TPBGL: variants seen among roughly 807,000 people sequenced by gnomAD.
TPBGL encodes trophoblast glycoprotein like.
For missense variants in TPBGL, 685 were observed against 609.4 expected (o/e 1.12, Z -1.31); for synonymous variants, 380 against 314.8 (o/e 1.21, Z -2.19).
chr11:75,242,379 ACC>A lies in TPBGL; in HGVS notation c.*184_*185del, dbSNP rs1273123322. The A allele has an allele frequency of 1.3e-6, 1 of 770,652 alleles. No homozygotes were observed. Among genetic ancestry groups the A allele is most frequent in the Non-Finnish European group, 1.6e-6 (1 of 625,948 alleles). The allele number at this position is 770,652 out of a possible 1,614,324, so 47.7% of individuals were successfully genotyped here. On this transcript the variant is annotated 3_prime_UTR_variant, in exon 1 of 1. Coordinates refer to ENST00000562197, the MANE Select transcript of TPBGL (RefSeq NM_001195528.2). ...AGAGATAGCCGGTCCGAATCCAGAA[ACC>A]CCGCCTGCCCACCCTAGTTTCCGAA... is the stretch of plus-strand genomic sequence containing the variant.
In TPBGL at chr11:75,241,918, C is replaced by T. The variant is rs1945604117; in HGVS notation, c.869C>T (p.Ala290Val). The change falls in exon 1 of 1, where the codon GCC becomes GTC. Residue 290 changes from alanine (A) to valine (V), a missense_variant. By Grantham distance (64) the Ala-to-Val change is moderately conservative (BLOSUM62 0). Coordinates refer to ENST00000562197, the MANE Select transcript of TPBGL (RefSeq NM_001195528.2). ...CGGCTTCGCTGCGCGGACAGCGGCG[C>T]CGACGCTCGCGGAGAGGAGGCGGAG... The part of the protein sequence containing the change: ...GARLRCADSG[A>V]DARGEEAEAA... 2.0e-6 allele frequency: 3 copies of T among 1,480,656 alleles called. No homozygotes were observed. Among genetic ancestry groups the T allele is most frequent in the Non-Finnish European group, 2.7e-6 (3 of 1,118,214 alleles). 91.7% of individuals were successfully genotyped at this position (1,480,656 alleles called of 1,614,324 possible).
chr11:75,241,362 C>G lies in TPBGL; in HGVS notation c.313C>G (p.His105Asp). Residue 105 changes from histidine to aspartate, a missense_variant, in exon 1 of 1, where the codon CAC becomes GAC. Physicochemically the swap from His to Asp is moderately conservative, Grantham distance 81. Coordinates refer to ENST00000562197, the MANE Select transcript of TPBGL (RefSeq NM_001195528.2). Reference sequence around the variant, plus strand: ...GAGCGCGCTGCGCCTCACGCACAACCACATCGAGGTGGTGGAGGACGGCGC... The same window carrying G: ...GAGCGCGCTGCGCCTCACGCACAACGACATCGAGGTGGTGGAGGACGGCGC... The part of the protein sequence containing the change: ...LLSALRLTHN[H>D]IEVVEDGAFD... 1 of 1,374,798 alleles carries G rather than the reference C, an allele frequency of 7.3e-7. No individual in the cohort carries two copies. Among genetic ancestry groups the G allele is most frequent in the South Asian group, 1.6e-5 (1 of 62,722 alleles). The allele number at this position is 1,374,798 out of a possible 1,614,324, so 85.2% of individuals were successfully genotyped here.
At position 75,241,146 on chromosome 11, in the gene TPBGL, T is replaced by C; in HGVS notation, c.97T>C (p.Cys33Arg). The C allele has an allele frequency of 6.9e-7, 1 of 1,448,894 alleles. No individual in the cohort carries two copies. The highest frequency in any genetic ancestry group is 9.1e-7 in the Non-Finnish European group (1 of 1,102,720). 89.8% of individuals were successfully genotyped at this position (1,448,894 alleles called of 1,614,324 possible). A position where few individuals can be genotyped will look rare whatever the true frequency, so the allele number is the denominator to read the frequency against. The change falls in exon 1 of 1, where the codon TGC (cysteine) becomes CGC (arginine). Residue 33 changes from cysteine (C) to arginine (R), a missense_variant. Cys to Arg is a radical substitution (Grantham distance 180). Coordinates refer to ENST00000562197, the MANE Select transcript of TPBGL (RefSeq NM_001195528.2). Reference sequence around the variant, plus strand: ...GGCACCCTGCCCCTTCCAGTGCTACTGCTTCGGCGGCCCCAAGCTGCTGCT... The same window carrying C: ...GGCACCCTGCCCCTTCCAGTGCTACCGCTTCGGCGGCCCCAAGCTGCTGCT... ...PAAPCPFQCY[C>R]FGGPKLLLRC...
At position 75,241,764 on chromosome 11, in the gene TPBGL, G is replaced by A. The variant is rs1185982334; in HGVS notation, c.715G>A (p.Gly239Ser). ...LLLADNPLRC[G>S]CAARPLLAWL... ...GCTCGCCGACAACCCCCTGCGCTGC[G>A]GCTGTGCCGCACGCCCCCTGCTGGC... Residue 239 changes from glycine to serine, a missense_variant, in exon 1 of 1, where the codon GGC becomes AGC. Coordinates refer to ENST00000562197, the MANE Select transcript of TPBGL (RefSeq NM_001195528.2). 3 of 1,306,710 alleles carry A rather than the reference G, an allele frequency of 2.3e-6. No individual in the cohort carries two copies. Among genetic ancestry groups the A allele is most frequent in the African/African-American group, 3.1e-5 (2 of 63,502 alleles). The allele number at this position is 1,306,710 out of a possible 1,614,324, so 80.9% of individuals were successfully genotyped here.
At position 75,241,303 on chromosome 11, in the gene TPBGL, G is replaced by A; in HGVS notation, c.254G>A (p.Gly85Asp). 1 of 1,346,444 alleles carries A rather than the reference G, an allele frequency of 7.4e-7. No individual in the cohort carries two copies. The highest frequency in any genetic ancestry group is 1.8e-5 in the South Asian group (1 of 55,742). 83.4% of individuals were successfully genotyped at this position (1,346,444 alleles called of 1,614,324 possible). ...GCCTTCGCCGGCGGGGACGGGGACG[G>A]CGACCAGGCGGCGGGCGTGCGCCTG... is the stretch of plus-strand genomic sequence containing the variant. The part of the protein sequence containing the change: ...AAAFAGGDGD[G>D]DQAAGVRLPL... Residue 85 changes from glycine to aspartate, a missense_variant, in exon 1 of 1, where the codon GGC (glycine) becomes GAC (aspartate). By Grantham distance (94) the Gly-to-Asp change is moderately conservative (BLOSUM62 -1). Transcript: ENST00000562197.
rs1469694893 is a variant in TPBGL, at chr11:75,242,026, T to G, written c.977T>G (p.Leu326Arg). The G allele has an allele frequency of 6.8e-7, 1 of 1,470,768 alleles. No individual in the cohort carries two copies. Among genetic ancestry groups the G allele is most frequent in the Non-Finnish European group, 9.0e-7 (1 of 1,111,998 alleles). The allele number at this position is 1,470,768 out of a possible 1,614,324, so 91.1% of individuals were successfully genotyped here. The change falls in exon 1 of 1, where the codon CTC becomes CGC. Residue 326 changes from leucine (L) to arginine (R), a missense_variant. Physicochemically the swap from Leu to Arg is moderately radical, Grantham distance 102 (BLOSUM62 -2). Coordinates refer to ENST00000562197, the MANE Select transcript of TPBGL (RefSeq NM_001195528.2). ...ALIGLIFLMV[L>R]YLNRRGIQRW... is the part of the protein sequence containing the mutation. ...ATCGGCCTCATCTTCCTCATGGTGC[T>G]CTACCTAAACCGCCGCGGCATCCAG...
Position 75,241,883 on chromosome 11 carries a change from G to C in TPBGL, c.834G>C (p.Leu278=), listed in dbSNP as rs1308690013. The C allele has an allele frequency of 2.1e-6, 3 of 1,458,338 alleles. No individual in the cohort carries two copies. Among genetic ancestry groups the C allele is most frequent in the African/African-American group, 2.9e-5 (2 of 67,906 alleles). The allele number at this position is 1,458,338 out of a possible 1,614,324, so 90.3% of individuals were successfully genotyped here. The change falls in exon 1 of 1, where the codon CTG becomes CTC. Residue 278 remains leucine (L), a synonymous_variant. Coordinates refer to ENST00000562197, the MANE Select transcript of TPBGL (RefSeq NM_001195528.2). ...TGCTAGACCGGCCGCTACTGGACCT[G>C]GACGGGGCGCGGCTTCGCTGCGCGG... The part of the protein sequence containing the change: ...RALLDRPLLD[L]DGARLRCADS...
chr11:75,241,019 G>A lies in TPBGL; in HGVS notation c.-31G>A. The stretch of plus-strand genomic sequence containing the variant: ...CTCCCAACTCACTGGTGAGCGCGGC[G>A]GCCCGGGCGCTGGATGCGGGGGCGG... On this transcript the variant is annotated 5_prime_UTR_variant, in exon 1 of 1. Transcript: ENST00000562197. 1.7e-6 allele frequency: 2 copies of A among 1,207,782 alleles called. No individual in the cohort carries two copies. Among genetic ancestry groups the A allele is most frequent in the Non-Finnish European group, 2.1e-6 (2 of 974,436 alleles). 74.8% of individuals were successfully genotyped at this position (1,207,782 alleles called of 1,614,324 possible).
chr11:75,240,879 G>C lies in TPBGL; in HGVS notation c.-171G>C. The C allele has an allele frequency of 2.6e-6, 1 of 381,800 alleles. No homozygotes were observed. The highest frequency in any genetic ancestry group is 5.0e-5 in the East Asian group (1 of 20,178). The allele number at this position is 381,800 out of a possible 1,614,324, so 23.7% of individuals were successfully genotyped here. On this transcript the variant is annotated 5_prime_UTR_variant, in exon 1 of 1. Transcript: ENST00000562197. Reference sequence around the variant, plus strand: ...TCCCCGTCTGACCCCTCTTGCCCCCGGCCAGTCAGCCAGTAAGTGCGGCTC... The same window carrying C: ...TCCCCGTCTGACCCCTCTTGCCCCCCGCCAGTCAGCCAGTAAGTGCGGCTC...
chr11:75,241,749 A>G lies in TPBGL; in HGVS notation c.700A>G (p.Asn234Asp). ...CGGGCCGCGCCTGCTGCTCGCCGAC[A>G]ACCCCCTGCGCTGCGGCTGTGCCGC... Reference protein sequence around the residue: ...LPGPRLLLADNPLRCGCAARP... With the variant: ...LPGPRLLLADDPLRCGCAARP... The change falls in exon 1 of 1, where the codon AAC (asparagine) becomes GAC (aspartate). Residue 234 changes from asparagine to aspartate, a missense_variant. By Grantham distance (23) the Asn-to-Asp change is conservative. Coordinates refer to ENST00000562197, the MANE Select transcript of TPBGL (RefSeq NM_001195528.2). 3.1e-6 allele frequency: 4 copies of G among 1,296,150 alleles called. No homozygotes were observed. Among genetic ancestry groups the G allele is most frequent in the Non-Finnish European group, 2.9e-6 (3 of 1,019,386 alleles). 80.3% of individuals were successfully genotyped at this position (1,296,150 alleles called of 1,614,324 possible).
rs1017154267 is a variant in TPBGL at position 75,243,697 on chromosome 11, A to G, written c.*1499A>G. ...TCTATAAAGTCTGCAATAATCTCAG[A>G]TACTCTACTCTTGTTAGTGGTGCCG... On this transcript the variant is annotated 3_prime_UTR_variant, in exon 1 of 1. Coordinates refer to ENST00000562197, the MANE Select transcript of TPBGL (RefSeq NM_001195528.2). 7 of 152,076 alleles carry G rather than the reference A, an allele frequency of 4.6e-5. No individual in the cohort carries two copies. Among genetic ancestry groups the G allele is most frequent in the African/African-American group, 1.7e-4 (7 of 41,384 alleles). 9.4% of individuals were successfully genotyped at this position (152,076 alleles called of 1,614,324 possible). A position where few individuals can be genotyped will look rare whatever the true frequency, so the allele number is the denominator to read the frequency against.
In TPBGL at chr11:75,240,968, GCCCCACCCGTGCC is replaced by G. The variant is rs1945592993; in HGVS notation, c.-74_-62del. 1 of 1,052,034 alleles carries G rather than the reference GCCCCACCCGTGCC, an allele frequency of 9.5e-7. No homozygotes were observed. Among genetic ancestry groups the G allele is most frequent in the South Asian group, 4.7e-5 (1 of 21,452 alleles). The allele number at this position is 1,052,034 out of a possible 1,614,324, so 65.2% of individuals were successfully genotyped here. On this transcript the variant is annotated 5_prime_UTR_variant, in exon 1 of 1. Coordinates refer to ENST00000562197, the MANE Select transcript of TPBGL (RefSeq NM_001195528.2). The stretch of plus-strand genomic sequence containing the variant: ...GCCAGCCGCTCCGGGTCAAGGACTC[GCCCCACCCGTGCC>G]CCCCACCAGGCGCTCCCAACTCACT...
Position 75,241,307 on chromosome 11 carries a change from C to A in TPBGL, c.258C>A (p.Asp86Glu). 5 of 1,346,270 alleles carry A rather than the reference C, an allele frequency of 3.7e-6. No individual in the cohort carries two copies. Among genetic ancestry groups the A allele is most frequent in the Non-Finnish European group, 4.7e-6 (5 of 1,055,464 alleles). The allele number at this position is 1,346,270 out of a possible 1,614,324, so 83.4% of individuals were successfully genotyped here. ...AAFAGGDGDG[D>E]QAAGVRLPLL... ...TCGCCGGCGGGGACGGGGACGGCGA[C>A]CAGGCGGCGGGCGTGCGCCTGCCGC... The change falls in exon 1 of 1, where the codon GAC becomes GAA. Residue 86 changes from aspartate (D) to glutamate (E), a missense_variant. By Grantham distance (45) the Asp-to-Glu change is conservative. Transcript: ENST00000562197.
chr11:75,242,914 C>G lies in TPBGL; in HGVS notation c.*716C>G, dbSNP rs901471398. 1 of 152,448 alleles carries G rather than the reference C, an allele frequency of 6.6e-6. No individual in the cohort carries two copies. The highest frequency in any genetic ancestry group is 2.4e-5 in the African/African-American group (1 of 41,378). 9.4% of individuals were successfully genotyped at this position (152,448 alleles called of 1,614,324 possible). On this transcript the variant is annotated 3_prime_UTR_variant, in exon 1 of 1. Coordinates refer to ENST00000562197, the MANE Select transcript of TPBGL (RefSeq NM_001195528.2). ...TGGAGCCAACTCTCAGCCTTTCCCA[C>G]CAGGGCGCTGACCTCCCGATACTCA...
At position 75,240,981 on chromosome 11, in the gene TPBGL, C is replaced by T; in HGVS notation, c.-69C>T. On this transcript the variant is annotated 5_prime_UTR_variant, in exon 1 of 1. Transcript: ENST00000562197. ...GGTCAAGGACTCGCCCCACCCGTGC[C>T]CCCCACCAGGCGCTCCCAACTCACT... The T allele has an allele frequency of 8.9e-7, 1 of 1,126,368 alleles. No individual in the cohort carries two copies. Among genetic ancestry groups the T allele is most frequent in the Non-Finnish European group, 1.1e-6 (1 of 903,334 alleles). The allele number at this position is 1,126,368 out of a possible 1,614,324, so 69.8% of individuals were successfully genotyped here. A position where few individuals can be genotyped will look rare whatever the true frequency, so the allele number is the denominator to read the frequency against.
Position 75,241,349 on chromosome 11 carries a change from C to A in TPBGL, c.300C>A (p.Arg100=), listed in dbSNP as rs1414130647. The A allele has an allele frequency of 3.7e-6, 5 of 1,365,558 alleles. No homozygotes were observed. In the Admixed American group the frequency reaches 1.8e-4, roughly 50 times the overall value. 84.6% of individuals were successfully genotyped at this position (1,365,558 alleles called of 1,614,324 possible). The change falls in exon 1 of 1, where the codon CGC becomes CGA. Residue 100 remains arginine, a synonymous_variant. Transcript: ENST00000562197. ...GCCTGCCGCTCCTGAGCGCGCTGCG[C>A]CTCACGCACAACCACATCGAGGTGG... ...GVRLPLLSAL[R]LTHNHIEVVE...
Position 75,241,622 on chromosome 11 carries a change from C to A in TPBGL, c.573C>A (p.Ala191=). 1 of 1,316,032 alleles carries A rather than the reference C, an allele frequency of 7.6e-7. No homozygotes were observed. Among genetic ancestry groups the A allele is most frequent in the African/African-American group, 1.6e-5 (1 of 63,624 alleles). The allele number at this position is 1,316,032 out of a possible 1,614,324, so 81.5% of individuals were successfully genotyped here. A position where few individuals can be genotyped will look rare whatever the true frequency, so the allele number is the denominator to read the frequency against. Residue 191 remains alanine, a synonymous_variant, in exon 1 of 1, where the codon GCC becomes GCA. Transcript: ENST00000562197. ...CGCTGAGCCGTCTGCCGCCAGCCGC[C>A]CTGCGCCTGGCGCGCCTGGAGCAGC... The part of the protein sequence containing the change: ...GNALSRLPPA[A]LRLARLEQLD...
Position 75,241,908 on chromosome 11 carries a change from G to A in TPBGL, c.859G>A (p.Asp287Asn). The change falls in exon 1 of 1, where the codon GAC (aspartate) becomes AAC (asparagine). Residue 287 changes from aspartate (D) to asparagine (N), a missense_variant. By Grantham distance (23) the Asp-to-Asn change is conservative. Transcript: ENST00000562197. The stretch of plus-strand genomic sequence containing the variant: ...GGACGGGGCGCGGCTTCGCTGCGCG[G>A]ACAGCGGCGCCGACGCTCGCGGAGA... ...DLDGARLRCA[D>N]SGADARGEEA... 2 of 1,477,238 alleles carry A rather than the reference G, an allele frequency of 1.4e-6. No individual in the cohort carries two copies. The highest frequency in any genetic ancestry group is 1.8e-6 in the Non-Finnish European group (2 of 1,116,432). 91.5% of individuals were successfully genotyped at this position (1,477,238 alleles called of 1,614,324 possible). A position where few individuals can be genotyped will look rare whatever the true frequency, so the allele number is the denominator to read the frequency against.
chr11:75,241,750 A>G lies in TPBGL; in HGVS notation c.701A>G (p.Asn234Ser). Residue 234 changes from asparagine to serine, a missense_variant, in exon 1 of 1, where the codon AAC becomes AGC. Asn to Ser is a conservative substitution (Grantham distance 46). Transcript: ENST00000562197. Reference protein sequence around the residue: ...LPGPRLLLADNPLRCGCAARP... With the variant: ...LPGPRLLLADSPLRCGCAARP... ...GGGCCGCGCCTGCTGCTCGCCGACA[A>G]CCCCCTGCGCTGCGGCTGTGCCGCA... is the stretch of plus-strand genomic sequence containing the variant. 1 of 1,294,320 alleles carries G rather than the reference A, an allele frequency of 7.7e-7. No homozygotes were observed. The highest frequency in any genetic ancestry group is 3.7e-5 in the East Asian group (1 of 27,286). 80.2% of individuals were successfully genotyped at this position (1,294,320 alleles called of 1,614,324 possible).
Sources: gnomAD v4.1 joint callset for allele counts on GRCh38, gnomAD v4.1.1 for gene constraint, MANE v1.5 for transcripts, NCBI Gene and HGNC (gene_info 2026-07-23, HGNC 2026-07-21) for gene names.